The following TGFB2 variants were observed in gnomAD, a reference collection of about 807,000 sequenced individuals.
TGFB2 encodes transforming growth factor beta-2 proprotein.
A neutral mutation model predicts 42.7 loss-of-function variants in TGFB2; 13 were observed. The ratio of observed to expected loss-of-function variants is 0.30; its 90% CI spans 0.20 to 0.48. The LOEUF is 0.48. Ranked by LOEUF, TGFB2 falls within the 20% of genes least tolerant of loss-of-function variation. TGFB2 has a pLI of 0.99. For missense variants in TGFB2, 390 were observed against 517.5 expected, an observed-to-expected ratio of 0.75 and a Z score of 2.39; for synonymous variants, 193 against 193.6, an observed-to-expected ratio of 1.00 and a Z score of 0.03.
chr1:218,437,320 CTTTTTT>C lies in TGFB2; in HGVS notation c.933-11_933-6del. ...TGAATCAGCTTTAAAATCTCCATTG[CTTTTTT>C]TTTTTTTTTTTAACAGAAATGTGCA... On this transcript the variant is annotated splice_polypyrimidine_tract_variant and intron_variant, in intron 5 of 6. Transcript: ENST00000366930. 3.5e-6 allele frequency: 5 copies of C among 1,430,268 alleles called. No homozygotes were observed. The highest frequency in any genetic ancestry group is 2.3e-4 in the Middle Eastern group (1 of 4,262). The allele number at this position is 1,430,268 out of a possible 1,614,324, so 88.6% of individuals were successfully genotyped here.
At chr1:218,377,585 A>G (rs1246051669) in intron 1 of TGFB2, among the ~76,000 whole-genome samples, 4 of 151,976 alleles carry the variant, frequency 2.6e-5, no homozygotes, top group Admixed American at 6.5e-5. Context: ...CCCCTAATGT[A>G]TTTTACATTG....
In TGFB2 at chr1:218,397,198, G is replaced by GCGGA. The variant is rs1658546080; in HGVS notation, c.347-7970_347-7967dup. Reference sequence around the variant, plus strand: ...CAGGTGAGTTGCGTGAACCCAAGAGGCGGAGGTTGCAGTGAGCTGAGATTG... The same window carrying GCGGA: ...CAGGTGAGTTGCGTGAACCCAAGAGGCGGACGGAGGTTGCAGTGAGCTGAGATTG... On this transcript the variant is annotated intron_variant, in intron 1 of 6. Coordinates refer to ENST00000366930, the MANE Select transcript of TGFB2 (RefSeq NM_003238.6). Among the ~76,000 whole-genome samples, 2 of 151,598 alleles carry GCGGA rather than the reference G, an allele frequency of 1.3e-5. 1 individual carries two copies. The highest frequency in any genetic ancestry group is 4.2e-4 in the South Asian group (2 of 4,812).
chr1:218,434,131 G>A lies in TGFB2; in HGVS notation c.560G>A (p.Ser187Asn). The change falls in exon 3 of 7, where the codon AGC (serine) becomes AAC (asparagine). Residue 187 changes from serine (S) to asparagine (N), a missense_variant. Physicochemically the swap from Ser to Asn is conservative, Grantham distance 46 (BLOSUM62 1). Coordinates refer to ENST00000366930, the MANE Select transcript of TGFB2 (RefSeq NM_003238.6). ...LTSPTQRYID[S>N]KVVKTRAEGE... ...TCTCCAACCCAGCGCTACATCGACA[G>A]CAAAGTTGTGAAAACAAGAGCAGAA... 6.2e-7 allele frequency: 1 copy of A among 1,614,178 alleles called. No homozygotes were observed. Among genetic ancestry groups the A allele is most frequent in the Non-Finnish European group, 8.5e-7 (1 of 1,180,024 alleles).
chr1:218,383,790 T>G (rs1306745778), intron 1 of TGFB2, among the ~76,000 whole-genome samples: 2 of 152,260 alleles, frequency 1.3e-5, no homozygotes, highest in Non-Finnish European at 2.9e-5. Context: ...AACCACAGGC[T>G]TTGGAAAAAC....
At chr1:218,439,497 G>A (rs1660086486) in intron 6 of TGFB2, among the ~76,000 whole-genome samples, 1 of 152,198 alleles carries the variant, frequency 6.6e-6, no homozygotes, top group Non-Finnish European at 1.5e-5. Flanking sequence ...AAACTCATGT[G>A]TTCAGGGAGC....
rs1558218970 is a variant in TGFB2 at position 218,345,936 on chromosome 1, G to T, written c.-766G>T. ...GCCACGGAGCGCAGCTCCCAGAGCA[G>T]GATCCGCGCCGCCTCAGCAGCCTCT... On this transcript the variant is annotated 5_prime_UTR_variant, in exon 1 of 7. In the 5' UTR this introduces an upstream ATG that the reference lacks. Coordinates refer to ENST00000366930, the MANE Select transcript of TGFB2 (RefSeq NM_003238.6). Among the ~76,000 whole-genome samples, 4 of 151,956 alleles carry T rather than the reference G, an allele frequency of 2.6e-5. No individual in the cohort carries two copies.
chr1:218,382,890 T>C (rs910439842), intron 1 of TGFB2, among the ~76,000 whole-genome samples: 1 of 152,216 alleles, frequency 6.6e-6, no homozygotes, highest in Non-Finnish European at 1.5e-5. Flanking sequence ...TCATGAGTAT[T>C]CAATTTTAAG....
At chr1:218,359,203 C>G (rs775807297) in intron 1 of TGFB2, among the ~76,000 whole-genome samples, 2 of 152,164 alleles carry the variant, frequency 1.3e-5, no homozygotes, top group Non-Finnish European at 2.9e-5. Flanking sequence ...TCAGATGGAT[C>G]TGTTAAACTT....
chr1:218,367,537 T>A (rs1023957422), intron 1 of TGFB2, among the ~76,000 whole-genome samples: 1 of 152,242 alleles, frequency 6.6e-6, no homozygotes, highest in Non-Finnish European at 1.5e-5. Context: ...CTGTACAGTA[T>A]GGATATTCTA....
intron 1 of TGFB2, among the ~76,000 whole-genome samples, chr1:218,357,386 G>A (rs1038757229): frequency 1.3e-5 from 2 of 152,178 alleles, no homozygotes; most frequent in South Asian, 2.1e-4. Context: ...CTCTCAGTGA[G>A]TTAGCATCCT....
At chr1:218,366,498 A>T (rs1203436055) in intron 1 of TGFB2, among the ~76,000 whole-genome samples, 2 of 152,056 alleles carry the variant, frequency 1.3e-5, no homozygotes, top group Non-Finnish European at 2.9e-5. Flanking sequence ...TTTTTTAGAG[A>T]TGGGGTCTTG....
At chr1:218,436,248 C>T in intron 5 of TGFB2, 101 bp downstream of exon 5, 1 of 1,243,186 alleles carries the variant, frequency 8.0e-7, no homozygotes, top group Non-Finnish European at 1.1e-6. Context: ...GAACTCACTG[C>T]TAAGGCCAGA....
chr1:218,363,303 A>G (rs1657279403), intron 1 of TGFB2: 1 of 1,581,908 alleles, frequency 6.3e-7, no homozygotes, highest in African/African-American at 1.3e-5. Context: ...TCAGTAAAAT[A>G]GCTAATGACT....
chr1:218,396,915 A>C (rs1658530270), intron 1 of TGFB2, among the ~76,000 whole-genome samples: 1 of 152,194 alleles, frequency 6.6e-6, no homozygotes, highest in Non-Finnish European at 1.5e-5. Flanking sequence ...AGAGCTTTAG[A>C]ACTCTTCCTC....
rs749939314 is a variant in TGFB2, at chr1:218,434,257, C to T, written c.643+43C>T. The T allele has an allele frequency of 5.0e-6, 8 of 1,612,150 alleles. No individual in the cohort carries two copies. The South Asian group carries it at 8.8e-5, about 18-fold the overall frequency. On this transcript the variant is annotated intron_variant, in intron 3 of 6. Coordinates refer to ENST00000366930, the MANE Select transcript of TGFB2 (RefSeq NM_003238.6). ...CTTTTCCTCCCAAGATGTTCAGTAT[C>T]CCTAAGTTACTTTAAATTGATTGCA...
At chr1:218,435,872 A>T in intron 4 of TGFB2, 98 bp from the exon 5 acceptor site, 1 of 1,220,818 alleles carries the variant, frequency 8.2e-7, no homozygotes, top group Non-Finnish European at 1.1e-6. Context: ...GGTGGTCATC[A>T]CTGCTATTTG....
chr1:218,383,358 A>G (rs1658025718), intron 1 of TGFB2, among the ~76,000 whole-genome samples: 2 of 151,966 alleles, frequency 1.3e-5, no homozygotes, highest in South Asian at 4.2e-4. Context: ...CCAAAATTCA[A>G]AGCTGGAAAG....
intron 1 of TGFB2, among the ~76,000 whole-genome samples, chr1:218,362,429 T>C (rs556287262): frequency 6.6e-6 from 1 of 152,356 alleles, no homozygotes; most frequent in East Asian, 1.9e-4. Flanking sequence ...CAGTCTGTTT[T>C]AAATATATCA....
chr1:218,434,104 C>T lies in TGFB2; in HGVS notation c.533C>T (p.Thr178Ile), dbSNP rs774826853. 3 of 1,614,082 alleles carry T rather than the reference C, an allele frequency of 1.9e-6. No homozygotes were observed. Among genetic ancestry groups the T allele is most frequent in the Admixed American group, 1.7e-5 (1 of 60,018 alleles). Residue 178 changes from threonine (T) to isoleucine (I), a missense_variant, in exon 3 of 7, where the codon ACA becomes ATA. Transcript: ENST00000366930. ...LYQILKSKDL[T>I]SPTQRYIDSK... ...CAGATTCTCAAGTCCAAAGATTTAA[C>T]ATCTCCAACCCAGCGCTACATCGAC...
Sources: gnomAD v4.1 joint callset for allele counts (sites outside exome capture counted in the v4.1 genomes callset) on GRCh38, gnomAD v4.1.1 for gene constraint, MANE v1.5 for transcripts, NCBI Gene and HGNC (gene_info 2026-07-23, HGNC 2026-07-21) for gene names.